The following EPPK1 variants were observed in gnomAD, a reference collection of about 807,000 sequenced individuals.
The protein encoded by EPPK1 is epiplakin 1, also known as epiplakin.
For missense variants in EPPK1, 3,823 were observed against 3,673.3 expected, an observed-to-expected ratio of 1.04 and a Z score of -1.05; for synonymous variants, 1,862 against 1,721.2, an observed-to-expected ratio of 1.08 and a Z score of -2.03.
Position 143,857,864 on chromosome 8 carries a change from C to G in EPPK1, c.*123G>C, listed in dbSNP as rs1279619458. The stretch of plus-strand genomic sequence containing the variant: ...AACTTAAAACGTTTTCCACAGATAA[C>G]GAATGGGTAAAACAACAAAATTAAA... On this transcript the variant is annotated 3_prime_UTR_variant, in exon 2 of 2. Transcript: ENST00000615648. 8 of 701,314 alleles carry G rather than the reference C, an allele frequency of 1.1e-5. No individual in the cohort carries two copies. In the East Asian group the frequency reaches 1.2e-4, roughly 10 times the overall value. The allele number at this position is 701,314 out of a possible 1,614,324, so 43.4% of individuals were successfully genotyped here.
Position 143,869,503 on chromosome 8 carries a change from C to T in EPPK1, c.3751G>A (p.Val1251Met), listed in dbSNP as rs781893744. 2 of 1,547,738 alleles carry T rather than the reference C, an allele frequency of 1.3e-6. No homozygotes were observed. The highest frequency in any genetic ancestry group is 1.4e-5 in the African/African-American group (1 of 73,262). Residue 1251 changes from valine to methionine, a missense_variant, in exon 2 of 2, where the codon GTG becomes ATG. By Grantham distance (21) the Val-to-Met change is conservative (BLOSUM62 1). Transcript: ENST00000615648. ...TTGGCCCCAGAGGGCTGTAGCAGCA[C>T]ACCGGCCACGCAGCCTGTGCCCCAC... ...CLWGTGCVAGVLLQPSGAKAS... is the reference protein window; with the variant it reads ...CLWGTGCVAGMLLQPSGAKAS...
Position 143,871,838 on chromosome 8 carries a change from G to C in EPPK1, c.1416C>G (p.Pro472=). The change falls in exon 2 of 2, where the codon CCC becomes CCG. Residue 472 remains proline, a synonymous_variant. Coordinates refer to ENST00000615648, the MANE Select transcript of EPPK1 (RefSeq NM_031308.4). ...GGGGTCCCTGGGGCTCCCCTCCCCG[G>C]GGTCCCCCTGAGAGTGGCAGGAAGG... The part of the protein sequence containing the change: ...GLAFLPLSGG[P]RGGEPQGPPF... The C allele has an allele frequency of 6.2e-7, 1 of 1,612,376 alleles. No individual in the cohort carries two copies. The highest frequency in any genetic ancestry group is 8.5e-7 in the Non-Finnish European group (1 of 1,179,826).
At chr8:143,877,896 C>T (rs1189477076) in intron 1 of EPPK1, among the ~76,000 whole-genome samples, 1 of 152,014 alleles carries the variant, frequency 6.6e-6, no homozygotes, top group African/African-American at 2.4e-5. Context: ...TCCAGGCGAC[C>T]GTGTGACCGC....
intron 1 of EPPK1, among the ~76,000 whole-genome samples, chr8:143,877,018 A>G (rs1819494978): frequency 6.6e-6 from 1 of 152,254 alleles, no homozygotes; most frequent in Non-Finnish European, 1.5e-5. Flanking sequence ...AAGTTCCCCA[A>G]ACAAAGAGGA....
chr8:143,869,718 A>G lies in EPPK1; in HGVS notation c.3536T>C (p.Val1179Ala), dbSNP rs560349203. The change falls in exon 2 of 2, where the codon GTG becomes GCG. Residue 1179 changes from valine (V) to alanine (A), a missense_variant. Val to Ala is a moderately conservative substitution (Grantham distance 64, BLOSUM62 0). Coordinates refer to ENST00000615648, the MANE Select transcript of EPPK1 (RefSeq NM_031308.4). ...RTTVPQLLAS[V>A]QRWVQETKLL... ...CTTGGTCTCCTGTACCCACCTCTGC[A>G]CAGAGGCTAGCAGCTGTGGCACAGT... is the stretch of plus-strand genomic sequence containing the variant. 34 of 1,598,594 alleles carry G rather than the reference A, an allele frequency of 2.1e-5. No homozygotes were observed. The South Asian group carries it at 3.8e-4, about 18-fold the overall frequency.
chr8:143,875,663 G>A (rs1819463950), intron 1 of EPPK1, among the ~76,000 whole-genome samples: 2 of 152,262 alleles, frequency 1.3e-5, no homozygotes, highest in African/African-American at 2.4e-5. Flanking sequence ...TGGCCGGTGC[G>A]CCACAGGGAT....
rs35186960 is a variant in EPPK1, at chr8:143,857,896, C to CA, written c.*90dup. On this transcript the variant is annotated 3_prime_UTR_variant, in exon 2 of 2. Coordinates refer to ENST00000615648, the MANE Select transcript of EPPK1 (RefSeq NM_031308.4). ...GTAAAACAACAAAATTAAAGAATGA[C>CA]AAAAAAAAAAAAAAAAAAAAAAACA... is the stretch of plus-strand genomic sequence containing the variant. 47,106 of 413,942 alleles carry CA rather than the reference C, an allele frequency of 0.11. 62 individuals are homozygous for CA. The highest frequency in any genetic ancestry group is 0.13 in the East Asian group (3,099 of 23,642). The allele number at this position is 413,942 out of a possible 1,614,324, so 25.6% of individuals were successfully genotyped here.
At position 143,871,422 on chromosome 8, in the gene EPPK1, C is replaced by G; in HGVS notation, c.1832G>C (p.Cys611Ser). 1.2e-6 allele frequency: 2 copies of G among 1,604,092 alleles called. No homozygotes were observed. Among genetic ancestry groups the G allele is most frequent in the Non-Finnish European group, 1.7e-6 (2 of 1,176,662 alleles). The change falls in exon 2 of 2, where the codon TGC becomes TCC. Residue 611 changes from cysteine to serine, a missense_variant. Cys to Ser is a moderately radical substitution (Grantham distance 112). Coordinates refer to ENST00000615648, the MANE Select transcript of EPPK1 (RefSeq NM_031308.4). Reference sequence around the variant, plus strand: ...GCCAGGGAGCAGCAGGCCAGCAATGCAGCCCGTACCCTGCAGGTACCTCTG... The same window carrying G: ...GCCAGGGAGCAGCAGGCCAGCAATGGAGCCCGTACCCTGCAGGTACCTCTG... The part of the protein sequence containing the change: ...SVQRYLQGTG[C>S]IAGLLLPGSQ...
intron 1 of EPPK1, among the ~76,000 whole-genome samples, chr8:143,875,562 C>T (rs782637956): frequency 4.6e-5 from 7 of 152,238 alleles, no homozygotes; most frequent in Non-Finnish European, 8.8e-5. Flanking sequence ...GCTGGGAAGA[C>T]GTGGAGGATT....
In EPPK1 at chr8:143,871,038, G is replaced by A; in HGVS notation, c.2216C>T (p.Pro739Leu). 1.2e-6 allele frequency: 2 copies of A among 1,613,094 alleles called. No individual in the cohort carries two copies. The highest frequency in any genetic ancestry group is 8.5e-7 in the Non-Finnish European group (1 of 1,179,960). Residue 739 changes from proline (P) to leucine (L), a missense_variant, in exon 2 of 2, where the codon CCC (proline) becomes CTC (leucine). Physicochemically the swap from Pro to Leu is moderately conservative, Grantham distance 98 (BLOSUM62 -3). Transcript: ENST00000615648. ...VIDPVHSHRVPVDVAYRRGYF... is the reference protein window; with the variant it reads ...VIDPVHSHRVLVDVAYRRGYF... Reference sequence around the variant, plus strand: ...GCCGCGCCGGTAGGCCACGTCCACGGGCACGCGGTGGCTGTGCACGGGGTC... The same window carrying A: ...GCCGCGCCGGTAGGCCACGTCCACGAGCACGCGGTGGCTGTGCACGGGGTC...
In EPPK1 at chr8:143,871,519, C is replaced by G. The variant is rs564630517; in HGVS notation, c.1735G>C (p.Asp579His). Residue 579 changes from aspartate (D) to histidine (H), a missense_variant, in exon 2 of 2, where the codon GAC (aspartate) becomes CAC (histidine). Transcript: ENST00000615648. ...TCCAGCCGCTCGTACAGGTCCTGGT[C>G]GATGATCTCGGCTTTCAGCAGCTCT... is the stretch of plus-strand genomic sequence containing the variant. ...PGELLKAEIIDQDLYERLEHG... is the reference protein window; with the variant it reads ...PGELLKAEIIHQDLYERLEHG... The G allele has an allele frequency of 6.2e-7, 1 of 1,609,780 alleles. No individual in the cohort carries two copies.
chr8:143,873,390 G>T, intron 1 of EPPK1, 92 bp from the exon 2 acceptor site: 1 of 939,092 alleles, frequency 1.1e-6, no homozygotes, highest in Middle Eastern at 3.0e-4. Flanking sequence ...ATGCTGTCCC[G>T]GGCTGGGCTC....
At position 143,872,079 on chromosome 8, in the gene EPPK1, A is replaced by T. The variant is rs782538262; in HGVS notation, c.1175T>A (p.Leu392Gln). 3 of 1,562,930 alleles carry T rather than the reference A, an allele frequency of 1.9e-6. No homozygotes were observed. The Admixed American group carries it at 5.7e-5, about 30-fold the overall frequency. ...KKGLVDRPLA[L>Q]RLLDAQLATG... ...GGCCAGCTGGGCATCCAAGAGCCGC[A>T]GTGCCAGTGGCCTGTCCACTAGCCC... The change falls in exon 2 of 2, where the codon CTG (leucine) becomes CAG (glutamine). Residue 392 changes from leucine (L) to glutamine (Q), a missense_variant. Leu to Gln is a moderately radical substitution (Grantham distance 113). Coordinates refer to ENST00000615648, the MANE Select transcript of EPPK1 (RefSeq NM_031308.4).
Position 143,872,507 on chromosome 8 carries a change from C to T in EPPK1, c.747G>A (p.Glu249=), listed in dbSNP as rs1554661599. The T allele has an allele frequency of 6.3e-7, 1 of 1,597,554 alleles. No individual in the cohort carries two copies. The change falls in exon 2 of 2, where the codon GAG becomes GAA. Residue 249 remains glutamate, a synonymous_variant. Coordinates refer to ENST00000615648, the MANE Select transcript of EPPK1 (RefSeq NM_031308.4). ...GGAVSAAELL[E]VGILDEQAVQ... ...CAGCCTGCTCGTCCAGGATGCCCAC[C>T]TCCAGCAGCTCAGCTGCACTCACCG...
At chr8:143,875,271 C>T (rs981098367) in intron 1 of EPPK1, among the ~76,000 whole-genome samples, 4 of 152,190 alleles carry the variant, frequency 2.6e-5, no homozygotes, top group African/African-American at 4.8e-5. Flanking sequence ...TGAGGGCTGT[C>T]GAGGCTCGTA....
intron 1 of EPPK1, among the ~76,000 whole-genome samples, chr8:143,875,344 C>T (rs1322184903): frequency 6.6e-6 from 1 of 152,234 alleles, no homozygotes; most frequent in Non-Finnish European, 1.5e-5. Context: ...AAAACCCTGG[C>T]CCTCTCCCTT....
Position 143,871,469 on chromosome 8 carries a change from A to C in EPPK1, c.1785T>G (p.Asp595Glu). ...RLEHGQATAK[D>E]VGSLASVQRY... Reference sequence around the variant, plus strand: ...TCTGCACCGAGGCCAGGCTGCCCACATCCTTGGCTGTGGCCTGTCCATGCT... The same window carrying C: ...TCTGCACCGAGGCCAGGCTGCCCACCTCCTTGGCTGTGGCCTGTCCATGCT... The change falls in exon 2 of 2, where the codon GAT (aspartate) becomes GAG (glutamate). Residue 595 changes from aspartate to glutamate, a missense_variant. Transcript: ENST00000615648. The C allele has an allele frequency of 1.9e-6, 3 of 1,608,764 alleles. No individual in the cohort carries two copies. Among genetic ancestry groups the C allele is most frequent in the Non-Finnish European group, 1.7e-6 (2 of 1,178,538 alleles).
rs781963208 is a variant in EPPK1 at position 143,858,017 on chromosome 8, C to T, written c.15237G>A (p.Gly5079=). The T allele has an allele frequency of 6.2e-6, 10 of 1,609,732 alleles. No individual in the cohort carries two copies. Among genetic ancestry groups the T allele is most frequent in the Non-Finnish European group, 8.5e-6 (10 of 1,178,082 alleles). ...GTAGAGAGAGAGAAAGAAATAGGAGCCCCGTCTCAGGGTCCAGGGTGGCCC... is the reference window on the plus strand; with the variant it reads ...GTAGAGAGAGAGAAAGAAATAGGAGTCCCGTCTCAGGGTCCAGGGTGGCCC... ...LQRATLDPET[G]LLFLSLSLQ The change falls in exon 2 of 2, where the codon GGG becomes GGA. Residue 5079 remains glycine, a synonymous_variant. Transcript: ENST00000615648.
rs1000620600 is a variant in EPPK1, at chr8:143,873,085, C to T, written c.169G>A (p.Val57Ile). Reference sequence around the variant, plus strand: ...AGGCCCTGCTCCATGGCGGCGTAGACACTCTGGGCCTGGCCCGAGGCCTCC... The same window carrying T: ...AGGCCCTGCTCCATGGCGGCGTAGATACTCTGGGCCTGGCCCGAGGCCTCC... ...YVEASGQAQS[V>I]YAAMEQGLLP... The change falls in exon 2 of 2, where the codon GTC becomes ATC. Residue 57 changes from valine to isoleucine, a missense_variant. Physicochemically the swap from Val to Ile is conservative, Grantham distance 29 (BLOSUM62 3). Coordinates refer to ENST00000615648, the MANE Select transcript of EPPK1 (RefSeq NM_031308.4). 1 of 1,551,036 alleles carries T rather than the reference C, an allele frequency of 6.4e-7. No individual in the cohort carries two copies. Among genetic ancestry groups the T allele is most frequent in the African/African-American group, 1.4e-5 (1 of 73,380 alleles).
Sources: allele counts gnomAD v4.1 joint callset (sites outside exome capture counted in the v4.1 genomes callset), GRCh38; gene constraint gnomAD v4.1.1; transcripts MANE v1.5; gene names NCBI Gene and HGNC (gene_info 2026-07-23, HGNC 2026-07-21).